DZIP3: variants seen among roughly 807,000 people sequenced by gnomAD.
DZIP3 encodes the protein DAZ interacting zinc finger protein 3.
DZIP3 carries 118 observed loss-of-function variants against 162.0 expected under a neutral mutation model. The ratio of observed to expected loss-of-function variants is 0.73; its 90% CI spans 0.63 to 0.85. The LOEUF (loss-of-function observed/expected upper bound fraction) is 0.85, where lower values mean the gene tolerates loss of function less well. Ranked by LOEUF, DZIP3 falls within the 40% of genes least tolerant of loss-of-function variation. The pLI, the probability that DZIP3 is intolerant of heterozygous loss-of-function variation, is 0.00. For synonymous variants in DZIP3, 438 were observed against 458.6 expected (o/e 0.96, Z 0.57); for missense variants, 1,331 against 1,407.0 (o/e 0.95, Z 0.86).
chr3:108,665,713 G>A (rs1164227331), intron 21 of DZIP3, among the ~76,000 whole-genome samples: 1 of 152,050 alleles, frequency 6.6e-6, no homozygotes, highest in East Asian at 1.9e-4. Flanking sequence ...CTTGAAAACA[G>A]GCAGAGAAAA....
At chr3:108,673,104 A>G (rs1213634475) in intron 23 of DZIP3, among the ~76,000 whole-genome samples, 1 of 152,016 alleles carries the variant, frequency 6.6e-6, no homozygotes, top group African/African-American at 2.4e-5. Flanking sequence ...TCTAAGTTAG[A>G]ACACCACAGC....
chr3:108,669,690 T>C lies in DZIP3; in HGVS notation c.2433T>C (p.Arg811=), dbSNP rs988215055. 1 of 1,611,172 alleles carries C rather than the reference T, an allele frequency of 6.2e-7. No individual in the cohort carries two copies. The highest frequency in any genetic ancestry group is 1.7e-5 in the Admixed American group (1 of 59,764). ...FGINKVSKLQ[R]QIHAKDNEIK... The stretch of plus-strand genomic sequence containing the variant: ...TTGCTTGTTTGCTTAGATTACAGCG[T>C]CAAATCCATGCTAAAGATAATGAAA... Residue 811 remains arginine, a synonymous_variant, in exon 22 of 33, where the codon CGT becomes CGC. Transcript: ENST00000361582.
intron 5 of DZIP3, among the ~76,000 whole-genome samples, chr3:108,618,936 C>CT (rs1941171303): frequency 6.6e-6 from 1 of 151,516 alleles, no homozygotes; most frequent in Admixed American, 6.6e-5. Flanking sequence ...TGGCATGCGC[C>CT]TGTAATCCCA....
In DZIP3 at chr3:108,684,238, C is replaced by T. The variant is rs749213340; in HGVS notation, c.2906C>T (p.Pro969Leu). 2.0e-5 allele frequency: 32 copies of T among 1,610,004 alleles called. No individual in the cohort carries two copies. The highest frequency in any genetic ancestry group is 2.6e-5 in the Non-Finnish European group (31 of 1,177,726). Reference sequence around the variant, plus strand: ...TAGATGCAGCAGTTCTTAGGAAGACCTCTTGTGAAAGAATCTTTCTTTAGA... The same window carrying T: ...TAGATGCAGCAGTTCTTAGGAAGACTTCTTGTGAAAGAATCTTTCTTTAGA... ...EILMQQFLGR[P>L]LVKESFFRPI... Residue 969 changes from proline (P) to leucine (L), a missense_variant, in exon 27 of 33, where the codon CCT (proline) becomes CTT (leucine). Coordinates refer to ENST00000361582, the MANE Select transcript of DZIP3 (RefSeq NM_014648.4).
chr3:108,607,006 C>T (rs1307952761), intron 2 of DZIP3, among the ~76,000 whole-genome samples: 1 of 152,162 alleles, frequency 6.6e-6, no homozygotes, highest in African/African-American at 2.4e-5. Context: ...TGAAAGACTT[C>T]AGAATACTGC....
At chr3:108,666,180 G>A (rs1372198487) in intron 21 of DZIP3, among the ~76,000 whole-genome samples, 1 of 152,034 alleles carries the variant, frequency 6.6e-6, no homozygotes, top group East Asian at 1.9e-4. Flanking sequence ...GAAAAGTGAG[G>A]AGGGTAAAGG....
At chr3:108,589,514 C>T, upstream of DZIP3, 1 of 587,022 alleles carries the variant, frequency 1.7e-6, no homozygotes, top group Non-Finnish European at 3.0e-6. Context: ...TCCGGAAGTC[C>T]CTAGGCACCC....
chr3:108,677,049 A>T (rs1944135282), intron 25 of DZIP3, among the ~76,000 whole-genome samples: 2 of 152,128 alleles, frequency 1.3e-5, no homozygotes, highest in African/African-American at 4.8e-5. Context: ...TTCATAAGTA[A>T]TCTCTAAAAT....
chr3:108,626,384 TAATA>T (rs1023294376), intron 7 of DZIP3, among the ~76,000 whole-genome samples: 6 of 152,198 alleles, frequency 3.9e-5, no homozygotes, highest in African/African-American at 1.4e-4. Flanking sequence ...ATGCTGTACT[TAATA>T]AATAAATTAT....
At chr3:108,610,774 A>C (rs9828374) in intron 3 of DZIP3, among the ~76,000 whole-genome samples, 2,906 of 152,314 alleles carry the variant, frequency 0.019, 100 homozygotes, top group African/African-American at 0.067. Flanking sequence ...TTAATTCTGT[A>C]AGAATAAATT....
chr3:108,682,835 C>G (rs995985996), intron 26 of DZIP3, among the ~76,000 whole-genome samples: 1 of 150,626 alleles, frequency 6.6e-6, no homozygotes, highest in African/African-American at 2.5e-5. Context: ...TTACACCATA[C>G]ATGTATACAT....
At chr3:108,689,668 T>TA in intron 31 of DZIP3, among the ~76,000 whole-genome samples, 1 of 152,140 alleles carries the variant, frequency 6.6e-6, no homozygotes, top group South Asian at 2.1e-4. Context: ...GCCTGGGTGA[T>TA]AGAGTGAGAC....
chr3:108,616,394 T>C (rs1941014748), intron 4 of DZIP3, 147 bp from the exon 5 acceptor site: 1 of 468,698 alleles, frequency 2.1e-6, no homozygotes, highest in Non-Finnish European at 3.7e-6. Context: ...ACAGTGTATC[T>C]GGTTGGTATG....
intron 7 of DZIP3, among the ~76,000 whole-genome samples, chr3:108,626,466 A>C (rs535362608): frequency 3.5e-4 from 53 of 152,194 alleles, no homozygotes; most frequent in Non-Finnish European, 7.3e-4. Flanking sequence ...TGAGCTTATA[A>C]AGAGTTGAAA....
intron 19 of DZIP3, among the ~76,000 whole-genome samples, chr3:108,660,451 C>G (rs1471514689): frequency 6.6e-6 from 1 of 152,128 alleles, no homozygotes; most frequent in Non-Finnish European, 1.5e-5. Flanking sequence ...AAAGCTGAAA[C>G]TGGATCCCTT....
At chr3:108,686,328 T>C in intron 27 of DZIP3, 117 bp from the exon 28 acceptor site, 9 of 963,662 alleles carry the variant, frequency 9.3e-6, no homozygotes, top group Non-Finnish European at 1.1e-5. Flanking sequence ...AGAGAAAAAC[T>C]GTAAAAATTG....
chr3:108,593,769 C>T (rs903876700), intron 1 of DZIP3, among the ~76,000 whole-genome samples: 29 of 151,044 alleles, frequency 1.9e-4, no homozygotes, highest in African/African-American at 4.4e-4. Context: ...TTGACCTCCC[C>T]GGGCTTATCT....
intron 26 of DZIP3, among the ~76,000 whole-genome samples, chr3:108,683,981 A>G (rs189356981): frequency 1.1e-3 from 166 of 152,118 alleles, no homozygotes; most frequent in African/African-American, 3.9e-3. Context: ...ACTAGAAGCT[A>G]TTTCTTTTCT....
chr3:108,642,328 AT>A (rs1942434274), intron 12 of DZIP3, 109 bp from the exon 13 acceptor site: 2 of 1,190,748 alleles, frequency 1.7e-6, no homozygotes, highest in Non-Finnish European at 2.3e-6. Context: ...TTCTTGAATT[AT>A]TTCTAGGAGA....
Sources: allele counts gnomAD v4.1 joint callset (sites outside exome capture counted in the v4.1 genomes callset), GRCh38; gene constraint gnomAD v4.1.1; transcripts MANE v1.5; gene names NCBI Gene and HGNC (gene_info 2026-07-23, HGNC 2026-07-21).